GADL1: variants seen among roughly 807,000 people sequenced by gnomAD.
GADL1 encodes the protein acidic amino acid decarboxylase GADL1.
In GADL1, 71 loss-of-function variants were observed where a neutral mutation model predicts 69.5. That is an observed-to-expected ratio of 1.02 (90% confidence interval 0.84 to 1.25). The LOEUF is 1.25. Ranked by LOEUF, GADL1 falls within the 50% of genes most tolerant of loss-of-function variation. The probability of loss-of-function intolerance (pLI) is 0.00; values close to 1 mark genes in which losing one functional copy is unlikely to be tolerated. For missense variants in GADL1, 737 were observed against 631.8 expected, an observed-to-expected ratio of 1.17 and a Z score of -1.79; for synonymous variants, 254 against 214.4, an observed-to-expected ratio of 1.18 and a Z score of -1.62.
At chr3:30,877,065 C>G (rs753558207) in intron 1 of GADL1, among the ~76,000 whole-genome samples, 1 of 151,844 alleles carries the variant, frequency 6.6e-6, no homozygotes, top group African/African-American at 2.4e-5. Flanking sequence ...TTATATTACA[C>G]GTTTTTGGAC....
chr3:30,752,504 C>T (rs79579290), intron 14 of GADL1, among the ~76,000 whole-genome samples: 14 of 152,234 alleles, frequency 9.2e-5, no homozygotes, highest in East Asian at 3.9e-4. Flanking sequence ...ATAGCCCTGG[C>T]GATGAGGATG....
intron 3 of GADL1, among the ~76,000 whole-genome samples, chr3:30,855,967 A>G (rs925023436): frequency 6.6e-6 from 1 of 151,310 alleles, no homozygotes; most frequent in Non-Finnish European, 1.5e-5. Flanking sequence ...AGTAATTTTA[A>G]TAAGTTTTTT....
chr3:30,765,269 C>T (rs1382886548), intron 14 of GADL1, among the ~76,000 whole-genome samples: 2 of 151,370 alleles, frequency 1.3e-5, no homozygotes, highest in Admixed American at 6.6e-5. Context: ...TCCTGCACAT[C>T]AAAAGCCAGA....
At chr3:30,730,960 T>C (rs1010770026) in intron 14 of GADL1, among the ~76,000 whole-genome samples, 1 of 152,228 alleles carries the variant, frequency 6.6e-6, no homozygotes, top group African/African-American at 2.4e-5. Context: ...AAAATCTCTC[T>C]GGCCACAGGG....
At chr3:30,752,956 CTTGGTT>C (rs10553902) in intron 14 of GADL1, among the ~76,000 whole-genome samples, 64,293 of 151,668 alleles carry the variant, frequency 0.42, 14,104 homozygotes, top group African/African-American at 0.52. Flanking sequence ...CGTTTTTTAA[CTTGGTT>C]TTGAACACTT....
intron 12 of GADL1, among the ~76,000 whole-genome samples, chr3:30,788,370 G>C (rs955189587): frequency 6.6e-6 from 1 of 152,050 alleles, no homozygotes; most frequent in Non-Finnish European, 1.5e-5. Flanking sequence ...GTTTACAATG[G>C]CATTATGTCT....
At chr3:30,760,593 T>C (rs997599897) in intron 14 of GADL1, among the ~76,000 whole-genome samples, 9 of 152,214 alleles carry the variant, frequency 5.9e-5, no homozygotes, top group Non-Finnish European at 1.3e-4. Context: ...ATCTGTTATC[T>C]TCCTCTCACC....
At chr3:30,732,463 A>G (rs1001115438) in intron 14 of GADL1, among the ~76,000 whole-genome samples, 13 of 152,124 alleles carry the variant, frequency 8.5e-5, no homozygotes, top group African/African-American at 3.1e-4. Flanking sequence ...TTTCTGTGGA[A>G]TTTGTCTCTC....
At chr3:30,751,339 G>A (rs758158699) in intron 14 of GADL1, among the ~76,000 whole-genome samples, 26 of 151,984 alleles carry the variant, frequency 1.7e-4, no homozygotes, top group Non-Finnish European at 4.4e-5. Flanking sequence ...AGACTCTTGA[G>A]CCGCTTGCTG....
intron 12 of GADL1, among the ~76,000 whole-genome samples, chr3:30,790,697 A>C (rs1696894926): frequency 6.6e-6 from 1 of 152,180 alleles, no homozygotes; most frequent in Admixed American, 6.5e-5. Context: ...GCTGGTCTAC[A>C]AAGAAAAAAG....
At chr3:30,733,346 T>C (rs1695493042) in intron 14 of GADL1, among the ~76,000 whole-genome samples, 2 of 152,194 alleles carry the variant, frequency 1.3e-5, no homozygotes, top group African/African-American at 4.8e-5. Flanking sequence ...ATAGTTTTTC[T>C]GGAACAATCA....
At chr3:30,755,915 C>T (rs1179581145) in intron 14 of GADL1, among the ~76,000 whole-genome samples, 1 of 152,066 alleles carries the variant, frequency 6.6e-6, no homozygotes, top group Non-Finnish European at 1.5e-5. Flanking sequence ...TCTGTGTGAG[C>T]CACTGCTATG....
At chr3:30,846,032 T>C (rs13076200) in intron 6 of GADL1, among the ~76,000 whole-genome samples, 43,598 of 149,190 alleles carry the variant, frequency 0.29, 7,846 homozygotes, top group African/African-American at 0.48. Flanking sequence ...TACAACCCAA[T>C]GTCAATCTGA....
chr3:30,815,968 G>A (rs1368399443), intron 11 of GADL1, among the ~76,000 whole-genome samples: 1 of 152,080 alleles, frequency 6.6e-6, no homozygotes. Context: ...TCTGTATTCA[G>A]GTTCCTCGTC....
intron 11 of GADL1, among the ~76,000 whole-genome samples, chr3:30,810,781 T>C (rs1697336813): frequency 1.3e-5 from 2 of 151,824 alleles, no homozygotes; most frequent in South Asian, 2.1e-4. Flanking sequence ...CTACTCTCTC[T>C]CCCAGTCACC....
Position 30,778,167 on chromosome 3 carries a change from C to T in GADL1, c.1392+12G>A. On this transcript the variant is annotated intron_variant, in intron 14 of 14. Transcript: ENST00000282538. Reference sequence around the variant, plus strand: ...TCATCAAAAAGAAAAATACCATTTACTTATTACTTACCAAATTAAGTTTTG... The same window carrying T: ...TCATCAAAAAGAAAAATACCATTTATTTATTACTTACCAAATTAAGTTTTG... 1.5e-6 allele frequency: 2 copies of T among 1,366,952 alleles called. No individual in the cohort carries two copies. The highest frequency in any genetic ancestry group is 2.0e-6 in the Non-Finnish European group (2 of 1,017,598). The allele number at this position is 1,366,952 out of a possible 1,614,324, so 84.7% of individuals were successfully genotyped here. A position where few individuals can be genotyped will look rare whatever the true frequency, so the allele number is the denominator to read the frequency against.
chr3:30,768,067 TGTTA>T lies in GADL1; in HGVS notation c.1392+10108_1392+10111del, dbSNP rs746242785. On this transcript the variant is annotated intron_variant, in intron 14 of 14. Transcript: ENST00000282538. ...CCCCCCTTATCCTTATAACACCCAA[TGTTA>T]GTTAGATTGAAGCTTGTGTACTCAT... Among the ~76,000 whole-genome samples, 131 of 139,376 alleles carry T rather than the reference TGTTA, an allele frequency of 9.4e-4. 1 individual carries two copies. Among genetic ancestry groups the T allele is most frequent in the Middle Eastern group, 4.3e-3 (1 of 234 alleles). The allele number at this position is 139,376 out of a possible 152,430, so 91.4% of individuals were successfully genotyped here. A position where few individuals can be genotyped will look rare whatever the true frequency, so the allele number is the denominator to read the frequency against.
chr3:30,751,275 G>A (rs1695808052), intron 14 of GADL1, among the ~76,000 whole-genome samples: 1 of 152,014 alleles, frequency 6.6e-6, no homozygotes, highest in South Asian at 2.1e-4. Context: ...GGGCACGTGG[G>A]GGGTGTTGCC....
chr3:30,781,464 T>A (rs1305844448), intron 13 of GADL1, among the ~76,000 whole-genome samples: 3 of 152,186 alleles, frequency 2.0e-5, no homozygotes, highest in Non-Finnish European at 4.4e-5. Context: ...TTTTAATAAA[T>A]GTAAATGCAG....
Sources: allele counts gnomAD v4.1 joint callset (sites outside exome capture counted in the v4.1 genomes callset), GRCh38; gene constraint gnomAD v4.1.1; transcripts MANE v1.5; gene names NCBI Gene and HGNC (gene_info 2026-07-23, HGNC 2026-07-21).